Variants in UBAP2 observed in about 807,000 individuals in gnomAD.
UBAP2 encodes the protein ubiquitin-associated protein 2.
In UBAP2, 75 loss-of-function variants were observed where a neutral mutation model predicts 139.6. The ratio of observed to expected loss-of-function variants is 0.54; its 90% CI spans 0.45 to 0.65. The LOEUF is 0.65. UBAP2 is among the 30% of genes least tolerant of loss of function. The probability of loss-of-function intolerance (pLI) is 0.00; values close to 1 mark genes in which losing one functional copy is unlikely to be tolerated. For missense variants in UBAP2, 1,368 were observed against 1,369.6 expected (o/e 1.00, Z 0.02); for synonymous variants, 526 against 526.2 (o/e 1.00, Z 0.01).
At chr9:34,040,323 C>CAAAAAAAAAAAAAAAAAA (rs56317641) in intron 1 of UBAP2, among the ~76,000 whole-genome samples, 1 of 88,866 alleles carries the variant, frequency 1.1e-5, no homozygotes. Flanking sequence ...GACTCTGTCT[C>CAAAAAAAAAAAAAAAAAA]AAAAAAAAAA....
intron 1 of UBAP2, among the ~76,000 whole-genome samples, chr9:34,020,686 G>A (rs1408579562): frequency 2.0e-5 from 3 of 148,700 alleles, no homozygotes; most frequent in African/African-American, 7.5e-5. Flanking sequence ...TTGAGACAGA[G>A]TCTGGCTCAG....
At chr9:33,925,289 C>T (rs1823327918) in intron 22 of UBAP2, among the ~76,000 whole-genome samples, 1 of 152,198 alleles carries the variant, frequency 6.6e-6, no homozygotes, top group African/African-American at 2.4e-5. Flanking sequence ...AGAGGCAGAG[C>T]TGGGAACACA....
At chr9:33,925,041 C>T (rs932961869) in intron 22 of UBAP2, among the ~76,000 whole-genome samples, 3 of 152,172 alleles carry the variant, frequency 2.0e-5, no homozygotes, top group African/African-American at 7.2e-5. Context: ...ATGGCAGATA[C>T]AACAAAGTGT....
chr9:33,995,419 TTA>T (rs1016253156), intron 4 of UBAP2: 15 of 135,842 alleles, frequency 1.1e-4, no homozygotes, highest in Non-Finnish European at 1.1e-4. Flanking sequence ...GTATATATAT[TTA>T]TATATTATTA....
At chr9:34,007,455 T>A (rs2131232332) in intron 2 of UBAP2, among the ~76,000 whole-genome samples, 1 of 150,562 alleles carries the variant, frequency 6.6e-6, no homozygotes, top group South Asian at 2.1e-4. Flanking sequence ...CATGTTCGCA[T>A]CATTATATTC....
At chr9:33,964,814 T>C (rs1827324540) in intron 8 of UBAP2, among the ~76,000 whole-genome samples, 1 of 152,172 alleles carries the variant, frequency 6.6e-6, no homozygotes, top group Non-Finnish European at 1.5e-5. Flanking sequence ...TTCATTCCAC[T>C]TTTATAAAAA....
intron 1 of UBAP2, among the ~76,000 whole-genome samples, chr9:34,025,988 A>G (rs544696098): frequency 6.6e-6 from 1 of 152,218 alleles, no homozygotes; most frequent in African/African-American, 2.4e-5. Context: ...TTGACTTAAC[A>G]ACCACCAACA....
chr9:33,982,512 A>G (rs545837762), intron 6 of UBAP2, among the ~76,000 whole-genome samples: 5 of 152,094 alleles, frequency 3.3e-5, no homozygotes, highest in Non-Finnish European at 7.4e-5. Context: ...TTAAGTGCCC[A>G]TTTTGTCGCC....
intron 1 of UBAP2, among the ~76,000 whole-genome samples, chr9:34,035,514 A>AAAAAAAAAAAAAATAT: frequency 4.4e-5 from 1 of 22,482 alleles, no homozygotes; most frequent in Non-Finnish European, 9.8e-5. Context: ...AAAAAAAAAA[A>AAAAAAAAAAAAAATAT]ATATATATAT....
intron 17 of UBAP2, 140 bp from the exon 18 acceptor site, chr9:33,933,768 G>T: frequency 8.3e-7 from 1 of 1,201,172 alleles, no homozygotes; most frequent in Non-Finnish European, 1.2e-6. Flanking sequence ...CCAGGAAAAT[G>T]CCAAGCATAT....
intron 1 of UBAP2, among the ~76,000 whole-genome samples, chr9:34,024,511 A>G (rs752415848): frequency 3.9e-5 from 6 of 152,176 alleles, no homozygotes; most frequent in African/African-American, 7.2e-5. Context: ...CCCTATTCAT[A>G]AAAAGTCTTA....
At chr9:34,047,423 C>A (rs1053675305) in intron 1 of UBAP2, among the ~76,000 whole-genome samples, 34 of 152,172 alleles carry the variant, frequency 2.2e-4, no homozygotes, top group African/African-American at 8.0e-4. Flanking sequence ...CATTCCCTTT[C>A]CTGAGGTAAA....
chr9:33,944,218 A>T lies in UBAP2; in HGVS notation c.1545+147T>A, dbSNP rs1587538426. On this transcript the variant is annotated intron_variant, in intron 14 of 28. Coordinates refer to ENST00000379238, the MANE Select transcript of UBAP2 (RefSeq NM_001370062.2). The stretch of plus-strand genomic sequence containing the variant: ...CCCTCTAATACTAGTCTGGTCACTC[A>T]GAAATGGCCATATCCTTATTATGCA... The T allele has an allele frequency of 9.4e-6, 10 of 1,065,562 alleles. No individual in the cohort carries two copies. In the East Asian group the frequency reaches 2.4e-4, roughly 26 times the overall value. The allele number at this position is 1,065,562 out of a possible 1,614,324, so 66.0% of individuals were successfully genotyped here. A position where few individuals can be genotyped will look rare whatever the true frequency, so the allele number is the denominator to read the frequency against.
intron 4 of UBAP2, chr9:33,995,476 AATATATTTATATTATTAAATATATAT>A (rs1733824146): frequency 7.2e-6 from 1 of 138,270 alleles, no homozygotes; most frequent in Non-Finnish European, 1.5e-5. Context: ...TAAATATATA[AATATATTTATATTATTAAATATATAT>A]ATTTATATTA....
At position 34,018,828 on chromosome 9, in the gene UBAP2, G is replaced by A. The variant is rs962780252; in HGVS notation, c.-41-1639C>T. On this transcript the variant is annotated intron_variant, in intron 1 of 28. Transcript: ENST00000379238. Reference sequence around the variant, plus strand: ...CAGTGAGCTGAGATCGTGCCACTGCGCTCCAGCCTGGGCAACAGAGCAAGA... The same window carrying A: ...CAGTGAGCTGAGATCGTGCCACTGCACTCCAGCCTGGGCAACAGAGCAAGA... Among the ~76,000 whole-genome samples, 10 of 151,774 alleles carry A rather than the reference G, an allele frequency of 6.6e-5. No homozygotes were observed. In the South Asian group the frequency reaches 8.3e-4, roughly 13 times the overall value.
At chr9:34,011,553 T>A (rs1043102536) in intron 2 of UBAP2, 27 of 870,502 alleles carry the variant, frequency 3.1e-5, no homozygotes, top group Middle Eastern at 3.0e-4. Context: ...AAAAAAATAA[T>A]TTTCTTTGAT....
intron 1 of UBAP2, among the ~76,000 whole-genome samples, chr9:34,036,945 T>G (rs1704980585): frequency 6.7e-6 from 1 of 149,412 alleles, no homozygotes; most frequent in Non-Finnish European, 1.5e-5. Context: ...GCCTCCCAAG[T>G]AGGTGGGACT....
chr9:33,945,234 C>T (rs944240619), intron 13 of UBAP2, among the ~76,000 whole-genome samples: 10 of 152,104 alleles, frequency 6.6e-5, no homozygotes, highest in African/African-American at 2.2e-4. Flanking sequence ...CGCAGTGGCT[C>T]ACGCCTGTAA....
chr9:34,041,411 G>A (rs1827070391), intron 1 of UBAP2, among the ~76,000 whole-genome samples: 4 of 144,688 alleles, frequency 2.8e-5, no homozygotes, highest in African/African-American at 2.6e-5. Flanking sequence ...GTTGCAGTGA[G>A]CCAAGATCGC....
Sources: allele counts gnomAD v4.1 joint callset (sites outside exome capture counted in the v4.1 genomes callset), GRCh38; gene constraint gnomAD v4.1.1; transcripts MANE v1.5; gene names NCBI Gene and HGNC (gene_info 2026-07-23, HGNC 2026-07-21).